The following SOAT1 variants were observed in gnomAD, a reference collection of about 807,000 sequenced individuals.
SOAT1 encodes sterol O-acyltransferase 1, also known as acyl-coenzyme A:cholesterol acyltransferase 1.
A neutral mutation model predicts 69.5 loss-of-function variants in SOAT1; 55 were observed. That is an observed-to-expected ratio of 0.79 (90% confidence interval 0.64 to 0.99). The LOEUF (loss-of-function observed/expected upper bound fraction) is 0.99. SOAT1 is among the 50% of genes least tolerant of loss of function. The probability of loss-of-function intolerance (pLI) is 0.00; values close to 1 mark genes in which losing one functional copy is unlikely to be tolerated. For synonymous variants in SOAT1, 231 were observed against 224.7 expected, an observed-to-expected ratio of 1.03 and a Z score of -0.25; for missense variants, 580 against 669.3, an observed-to-expected ratio of 0.87 and a Z score of 1.47.
intron 2 of SOAT1, among the ~76,000 whole-genome samples, chr1:179,308,889 T>C (rs938430087): frequency 6.6e-6 from 1 of 152,194 alleles, no homozygotes; most frequent in African/African-American, 2.4e-5. Context: ...AAGTCTCAGA[T>C]ATCTTTTCAT....
At position 179,356,880 on chromosome 1, in the gene SOAT1, G is replaced by C. The variant is rs978971253; in HGVS notation, c.*3239G>C. On this transcript the variant is annotated 3_prime_UTR_variant, in exon 16 of 16. Coordinates refer to ENST00000367619, the MANE Select transcript of SOAT1 (RefSeq NM_003101.6). The stretch of plus-strand genomic sequence containing the variant: ...TTTTTTTTTTTTTAGAGATGGGGGG[G>C]GTCTCCCTATGTTGCCCAGGCTGGT... The C allele has an allele frequency of 6.6e-6, 1 of 151,112 alleles. No homozygotes were observed. The highest frequency in any genetic ancestry group is 1.5e-5 in the Non-Finnish European group (1 of 67,880). 9.4% of individuals were successfully genotyped at this position (151,112 alleles called of 1,614,324 possible). A position where few individuals can be genotyped will look rare whatever the true frequency, so the allele number is the denominator to read the frequency against.
At chr1:179,329,619 G>A (rs1032768280) in intron 3 of SOAT1, among the ~76,000 whole-genome samples, 3 of 151,566 alleles carry the variant, frequency 2.0e-5, no homozygotes, top group African/African-American at 7.3e-5. Context: ...TACTCTGGAA[G>A]CAGGAGAATC....
At chr1:179,317,901 C>T (rs1018557045) in intron 2 of SOAT1, among the ~76,000 whole-genome samples, 1 of 151,810 alleles carries the variant, frequency 6.6e-6, no homozygotes, top group Non-Finnish European at 1.5e-5. Flanking sequence ...TTAACTCTAC[C>T]CTGGGCTAAG....
rs144741678 is a variant in SOAT1 at position 179,348,920 on chromosome 1, A to G, written c.1292A>G (p.Tyr431Cys). 17 of 1,602,036 alleles carry G rather than the reference A, an allele frequency of 1.1e-5. No individual in the cohort carries two copies. In the African/African-American group the frequency reaches 1.3e-4, roughly 13 times the overall value. ...NVVVHDWLYY[Y>C]AYKDFLWFFS... ...GTGGTCCATGACTGGCTATATTACT[A>G]TGCTTACAAGGACTTTCTCTGGGTA... Residue 431 changes from tyrosine to cysteine, a missense_variant, in exon 13 of 16, where the codon TAT becomes TGT. By Grantham distance (194) the Tyr-to-Cys change is radical. Coordinates refer to ENST00000367619, the MANE Select transcript of SOAT1 (RefSeq NM_003101.6).
chr1:179,335,395 A>G lies in SOAT1; in HGVS notation c.178-111A>G, dbSNP rs1417017313. On this transcript the variant is annotated intron_variant, in intron 3 of 15. Coordinates refer to ENST00000367619, the MANE Select transcript of SOAT1 (RefSeq NM_003101.6). ...TTTTTGCTTTTACTCCTGCGAACTC[A>G]CTATGTCTTTCTTTTGATCCAGCTC... The G allele has an allele frequency of 3.2e-6, 3 of 938,896 alleles. No individual in the cohort carries two copies. The East Asian group carries it at 7.8e-5, about 24-fold the overall frequency. The allele number at this position is 938,896 out of a possible 1,614,324, so 58.2% of individuals were successfully genotyped here.
intron 2 of SOAT1, among the ~76,000 whole-genome samples, chr1:179,316,164 G>T (rs2124953880): frequency 6.6e-6 from 1 of 152,068 alleles, no homozygotes; most frequent in Non-Finnish European, 1.5e-5. Flanking sequence ...AAAATTCTTA[G>T]TTTCCTCAAA....
Position 179,353,724 on chromosome 1 carries a change from A to G in SOAT1, c.*83A>G. On this transcript the variant is annotated 3_prime_UTR_variant, in exon 16 of 16. Coordinates refer to ENST00000367619, the MANE Select transcript of SOAT1 (RefSeq NM_003101.6). ...GCCAGCTGTTTCCAGTTGTTACTGA[A>G]GTTATCTGTGTTATTTGGACCACTC... The G allele has an allele frequency of 8.4e-7, 1 of 1,194,594 alleles. No homozygotes were observed. 74.0% of individuals were successfully genotyped at this position (1,194,594 alleles called of 1,614,324 possible).
intron 3 of SOAT1, among the ~76,000 whole-genome samples, chr1:179,331,697 A>G (rs1157077714): frequency 1.3e-5 from 2 of 152,232 alleles, no homozygotes; most frequent in Non-Finnish European, 2.9e-5. Context: ...AGTAAGTGCA[A>G]TGAAGGAAAA....
At chr1:179,299,426 T>G (rs199821102) in intron 1 of SOAT1, among the ~76,000 whole-genome samples, 2 of 152,284 alleles carry the variant, frequency 1.3e-5, no homozygotes, top group Middle Eastern at 6.8e-3. Context: ...TGGTATTAAT[T>G]CTATTACTGC....
rs762911049 is a variant in SOAT1, at chr1:179,344,352, G to GTTTTTTTTTTTTTTTTT, written c.988-595_988-594insTTTTTTTTTTTTTTTTT. Among the ~76,000 whole-genome samples the GTTTTTTTTTTTTTTTTT allele has an allele frequency of 5.0e-5, 6 of 120,524 alleles. 2 individuals are homozygous for GTTTTTTTTTTTTTTTTT. Among genetic ancestry groups the GTTTTTTTTTTTTTTTTT allele is most frequent in the African/African-American group, 6.0e-5 (2 of 33,266 alleles). 79.1% of individuals were successfully genotyped at this position (120,524 alleles called of 152,430 possible). The stretch of plus-strand genomic sequence containing the variant: ...TATGAAGTAAGTTCTTTCATTAAGG[G>GTTTTTTTTTTTTTTTTT]GTTTTTTTTTTTTTTTTTTTTTTTT... On this transcript the variant is annotated intron_variant, in intron 10 of 15. Coordinates refer to ENST00000367619, the MANE Select transcript of SOAT1 (RefSeq NM_003101.6).
chr1:179,306,804 C>G (rs1482852648), intron 2 of SOAT1, among the ~76,000 whole-genome samples: 2 of 123,292 alleles, frequency 1.6e-5, no homozygotes, highest in Non-Finnish European at 3.1e-5. Flanking sequence ...GCACTCCAGC[C>G]TGGGCAACAG....
At chr1:179,322,072 A>T (rs1405258102) in intron 2 of SOAT1, among the ~76,000 whole-genome samples, 3 of 151,498 alleles carry the variant, frequency 2.0e-5, no homozygotes, top group African/African-American at 7.3e-5. Context: ...TTTTGTAGAG[A>T]TGGGGTCTTG....
intron 2 of SOAT1, among the ~76,000 whole-genome samples, chr1:179,318,070 C>T (rs1665457511): frequency 6.6e-6 from 1 of 151,942 alleles, no homozygotes; most frequent in Non-Finnish European, 1.5e-5. Context: ...TGGCACACAT[C>T]TATGGTCCCA....
intron 3 of SOAT1, among the ~76,000 whole-genome samples, chr1:179,325,038 T>C (rs970741157): frequency 3.3e-5 from 5 of 151,942 alleles, no homozygotes; most frequent in African/African-American, 1.2e-4. Context: ...CCTGACCTCG[T>C]GATCCTCCTG....
rs1340264065 is a variant in SOAT1 at position 179,350,323 on chromosome 1, G to C, written c.1342G>C (p.Ala448Pro). The part of the protein sequence containing the change: ...WFFSKRFKSA[A>P]MLAVFAVSAV... ...TTTCTCCAAGAGATTCAAATCTGCTGCCATGTTAGCTGTCTTTGCTGTATC... is the reference window on the plus strand; with the variant it reads ...TTTCTCCAAGAGATTCAAATCTGCTCCCATGTTAGCTGTCTTTGCTGTATC... The change falls in exon 14 of 16, where the codon GCC becomes CCC. Residue 448 changes from alanine to proline, a missense_variant. By Grantham distance (27) the Ala-to-Pro change is conservative (BLOSUM62 -1). Coordinates refer to ENST00000367619, the MANE Select transcript of SOAT1 (RefSeq NM_003101.6). 3 of 1,612,532 alleles carry C rather than the reference G, an allele frequency of 1.9e-6. No homozygotes were observed. Among genetic ancestry groups the C allele is most frequent in the African/African-American group, 1.3e-5 (1 of 74,842 alleles).
At chr1:179,296,312 G>A (rs1664638372) in intron 1 of SOAT1, among the ~76,000 whole-genome samples, 1 of 152,098 alleles carries the variant, frequency 6.6e-6, no homozygotes, top group Non-Finnish European at 1.5e-5. Context: ...AAAAAACAAC[G>A]TGTATTGGGT....
chr1:179,324,943 C>T (rs977651642), intron 3 of SOAT1, among the ~76,000 whole-genome samples: 4 of 151,516 alleles, frequency 2.6e-5, no homozygotes, highest in Non-Finnish European at 4.4e-5. Flanking sequence ...GCTGAGACTA[C>T]AGGCACATGC....
At chr1:179,328,933 C>T (rs1417068228) in intron 3 of SOAT1, among the ~76,000 whole-genome samples, 2 of 151,086 alleles carry the variant, frequency 1.3e-5, no homozygotes, top group African/African-American at 4.9e-5. Context: ...AGTAGTACTG[C>T]TACTCGGGAG....
At chr1:179,317,300 G>A (rs1003069359) in intron 2 of SOAT1, among the ~76,000 whole-genome samples, 27 of 152,254 alleles carry the variant, frequency 1.8e-4, no homozygotes, top group Middle Eastern at 3.4e-3. Context: ...TTGGAAGGCC[G>A]AGGCGGGCGG....
Sources: allele counts gnomAD v4.1 joint callset (sites outside exome capture counted in the v4.1 genomes callset), GRCh38; gene constraint gnomAD v4.1.1; transcripts MANE v1.5; gene names NCBI Gene and HGNC (gene_info 2026-07-23, HGNC 2026-07-21).